The following MTA3 variants were observed in gnomAD, a reference collection of about 807,000 sequenced individuals.
MTA3 encodes metastasis associated 1 family member 3, also known as metastasis-associated protein MTA3.
A neutral mutation model predicts 83.5 loss-of-function variants in MTA3; 34 were observed. That is an observed-to-expected ratio of 0.41 (90% CI 0.31 to 0.54). MTA3 has a LOEUF of 0.54. Among genes scored for constraint, MTA3 ranks in the 20% least tolerant of loss-of-function variants. The probability of loss-of-function intolerance (pLI) is 0.33; values close to 1 mark genes in which losing one functional copy is unlikely to be tolerated. For missense variants in MTA3, 761 were observed against 726.4 expected, an observed-to-expected ratio of 1.05 and a Z score of -0.55; for synonymous variants, 303 against 252.7, an observed-to-expected ratio of 1.20 and a Z score of -1.89.
At chr2:42,624,298 A>G (rs577860313) in intron 4 of MTA3, among the ~76,000 whole-genome samples, 5 of 152,056 alleles carry the variant, frequency 3.3e-5, no homozygotes, top group African/African-American at 1.2e-4. Context: ...ATCTTAATGT[A>G]TATTAACTTT....
At chr2:42,738,968 GCCCGAAACTTCATTAGCAAT>G (rs553993553) in intron 16 of MTA3, among the ~76,000 whole-genome samples, 59 of 152,274 alleles carry the variant, frequency 3.9e-4, no homozygotes, top group African/African-American at 1.3e-3. Context: ...TGACAATGGT[GCCCGAAACTTCATTAGCAAT>G]TTTAATTTCG....
At chr2:42,507,535 A>C (rs193050606) in intron 2 of MTA3, among the ~76,000 whole-genome samples, 1 of 152,268 alleles carries the variant, frequency 6.6e-6, no homozygotes, top group Admixed American at 6.5e-5. Context: ...GGGACTAGGA[A>C]TATGAGGTTA....
intron 8 of MTA3, among the ~76,000 whole-genome samples, chr2:42,662,718 A>G (rs561413765): frequency 1.0e-3 from 148 of 146,134 alleles, no homozygotes; most frequent in Middle Eastern, 3.5e-3. Context: ...TTCCCTAACT[A>G]TATTATATAA....
chr2:42,521,416 C>A (rs1014295470), intron 2 of MTA3, among the ~76,000 whole-genome samples: 4 of 152,138 alleles, frequency 2.6e-5, no homozygotes, highest in African/African-American at 9.7e-5. Flanking sequence ...CTAAGCTGCA[C>A]CCAGATTCCT....
At chr2:42,686,721 A>T (rs1177462263) in intron 9 of MTA3, among the ~76,000 whole-genome samples, 1 of 152,024 alleles carries the variant, frequency 6.6e-6, no homozygotes, top group Non-Finnish European at 1.5e-5. Context: ...CAGTTACTCG[A>T]TAGACTGAGG....
chr2:42,677,776 A>G (rs1382480957), intron 8 of MTA3, among the ~76,000 whole-genome samples: 3 of 152,150 alleles, frequency 2.0e-5, no homozygotes, highest in African/African-American at 7.2e-5. Flanking sequence ...GTGGAACTGT[A>G]AGTCCAATAA....
intron 11 of MTA3, among the ~76,000 whole-genome samples, chr2:42,700,005 C>T (rs1008139382): frequency 1.3e-5 from 2 of 151,968 alleles, no homozygotes; most frequent in African/African-American, 4.8e-5. Flanking sequence ...TATGGTATCA[C>T]AGAAGCTAAG....
Position 42,667,580 on chromosome 2 carries a change from G to GTGTGTGTGTGTGTT in MTA3, c.702+7731_702+7732insTTGTGTGTGTGTGT, listed in dbSNP as rs1553379092. Among the ~76,000 whole-genome samples the GTGTGTGTGTGTGTT allele has an allele frequency of 5.6e-3, 711 of 127,350 alleles. 9 individuals carry two copies. Among genetic ancestry groups the GTGTGTGTGTGTGTT allele is most frequent in the African/African-American group, 0.02 (654 of 32,808 alleles). 83.5% of individuals were successfully genotyped at this position (127,350 alleles called of 152,430 possible). On this transcript the variant is annotated intron_variant, in intron 8 of 16. Transcript: ENST00000405094. ...TCCATCATTTAAAAATTGTGTGTGT[G>GTGTGTGTGTGTGTT]TGTGTGTGTGTGTGTGTGTGTGTGT...
At chr2:42,701,589 C>T (rs941638978) in intron 11 of MTA3, among the ~76,000 whole-genome samples, 30 of 151,564 alleles carry the variant, frequency 2.0e-4, no homozygotes, top group African/African-American at 6.3e-4. Flanking sequence ...AGAGTGAGAC[C>T]CTCTCTCAAA....
intron 4 of MTA3, among the ~76,000 whole-genome samples, chr2:42,625,563 G>C (rs553020155): frequency 6.7e-6 from 1 of 150,104 alleles, no homozygotes; most frequent in African/African-American, 2.5e-5. Flanking sequence ...TGGCTAACAC[G>C]GTGAAACCCC....
intron 2 of MTA3, among the ~76,000 whole-genome samples, chr2:42,531,130 C>T (rs947060102): frequency 6.6e-6 from 1 of 152,138 alleles, no homozygotes; most frequent in Admixed American, 6.6e-5. Flanking sequence ...ATGCCCGGCC[C>T]CATGTGGCAG....
At chr2:42,717,042 A>G (rs548037094) in intron 14 of MTA3, among the ~76,000 whole-genome samples, 3 of 150,450 alleles carry the variant, frequency 2.0e-5, no homozygotes, top group East Asian at 3.9e-4. Context: ...GTGAAATAGT[A>G]TCTCATTGTG....
rs770203400 is a variant in MTA3 at position 42,609,504 on chromosome 2, C to T, written c.237C>T (p.Thr79=). 2.1e-5 allele frequency: 34 copies of T among 1,613,622 alleles called. No homozygotes were observed. The highest frequency in any genetic ancestry group is 6.7e-5 in the East Asian group (3 of 44,878). The change falls in exon 4 of 17, where the codon ACC becomes ACT. Residue 79 remains threonine, a synonymous_variant. Transcript: ENST00000405094. ...ESETTVEADL[T]DKQKHQLKHR... ...AAACAACAGTTGAGGCTGACTTGAC[C>T]GATAAGCAGAAACATCAGTTGAAAC...
intron 2 of MTA3, among the ~76,000 whole-genome samples, chr2:42,562,382 C>T (rs140057637): frequency 8.5e-5 from 13 of 152,260 alleles, no homozygotes; most frequent in Admixed American, 2.6e-4. Context: ...AGGCTGTGTC[C>T]CTTTCCGTCT....
At chr2:42,688,726 A>G (rs866806313) in intron 9 of MTA3, among the ~76,000 whole-genome samples, 27 of 148,862 alleles carry the variant, frequency 1.8e-4, no homozygotes, top group African/African-American at 6.2e-4. Flanking sequence ...TTTTTTTGGT[A>G]GATTCTTTCT....
intron 2 of MTA3, among the ~76,000 whole-genome samples, chr2:42,554,503 G>A (rs1677285608): frequency 6.6e-6 from 1 of 152,166 alleles, no homozygotes; most frequent in South Asian, 2.1e-4. Flanking sequence ...GAGGAAAGAA[G>A]GAAAAGGGCA....
rs539374486 is a variant in MTA3 at position 42,606,547 on chromosome 2, C to A, written c.191-2911C>A. Among the ~76,000 whole-genome samples the A allele has an allele frequency of 2.7e-5, 4 of 148,168 alleles. No homozygotes were observed. The East Asian group carries it at 8.2e-4, about 30-fold the overall frequency. On this transcript the variant is annotated intron_variant, in intron 3 of 16. Coordinates refer to ENST00000405094, the MANE Select transcript of MTA3 (RefSeq NM_001330442.2). ...GGCGGCTGGGAAGAGGCGCTCCTCA[C>A]TTCCTAGATGGGATGGCGGCCGGGC... is the stretch of plus-strand genomic sequence containing the variant.
intron 16 of MTA3, among the ~76,000 whole-genome samples, chr2:42,724,892 C>T (rs984211440): frequency 6.6e-6 from 1 of 152,246 alleles, no homozygotes; most frequent in Admixed American, 6.5e-5. Flanking sequence ...ACGGTCATTG[C>T]TTCTCTGCTC....
intron 10 of MTA3, among the ~76,000 whole-genome samples, chr2:42,696,689 C>T (rs1385618027): frequency 6.6e-6 from 1 of 152,050 alleles, no homozygotes; most frequent in East Asian, 1.9e-4. Context: ...GAGGATTGCT[C>T]AGCCCAGGAG....
Sources: gnomAD v4.1 joint callset for allele counts (sites outside exome capture counted in the v4.1 genomes callset) on GRCh38, gnomAD v4.1.1 for gene constraint, MANE v1.5 for transcripts, NCBI Gene and HGNC (gene_info 2026-07-23, HGNC 2026-07-21) for gene names.